DNAH14: variants seen among roughly 807,000 people sequenced by gnomAD.
The protein encoded by DNAH14 is dynein axonemal heavy chain 14.
A neutral mutation model predicts 520.9 loss-of-function variants in DNAH14; 478 were observed. The ratio of observed to expected loss-of-function variants is 0.92; its 90% CI spans 0.85 to 0.99. The LOEUF is 0.99. Among genes scored for constraint, DNAH14 ranks in the 50% least tolerant of loss-of-function variants. DNAH14 has a pLI of 0.00. For missense variants in DNAH14, 4,831 were observed against 5,234.5 expected (o/e 0.92, Z 2.38); for synonymous variants, 1,581 against 1,757.2 (o/e 0.90, Z 2.51).
intron 35 of DNAH14, among the ~76,000 whole-genome samples, chr1:225,162,789 T>C (rs1336109431): frequency 1.3e-5 from 2 of 152,146 alleles, no homozygotes. Context: ...GTAGCTACTA[T>C]AAATGGGATT....
chr1:225,281,587 A>G (rs1355680017), intron 54 of DNAH14, among the ~76,000 whole-genome samples: 3 of 151,550 alleles, frequency 2.0e-5, no homozygotes, highest in African/African-American at 7.2e-5. Context: ...ACCACAGACT[A>G]TGTAAATATA....
intron 15 of DNAH14, among the ~76,000 whole-genome samples, chr1:225,049,291 GACCTGGTGATCCACCC>G (rs2068273068): frequency 6.6e-6 from 1 of 151,758 alleles, no homozygotes; most frequent in Non-Finnish European, 1.5e-5. Flanking sequence ...TTGAACTCCT[GACCTGGTGATCCACCC>G]ACCTCGGCCT....
chr1:224,980,560 T>G (rs899061684), intron 8 of DNAH14, among the ~76,000 whole-genome samples: 6 of 152,220 alleles, frequency 3.9e-5, no homozygotes, highest in Admixed American at 2.6e-4. Flanking sequence ...GGGATCTCAC[T>G]GCCATTAAGG....
intron 73 of DNAH14, among the ~76,000 whole-genome samples, chr1:225,354,775 C>T (rs1186979173): frequency 6.6e-6 from 1 of 152,106 alleles, no homozygotes; most frequent in African/African-American, 2.4e-5. Context: ...AAGGGAAAAT[C>T]TCTCATCTCA....
intron 44 of DNAH14, among the ~76,000 whole-genome samples, chr1:225,254,248 C>T (rs1002525308): frequency 6.6e-6 from 1 of 152,074 alleles, no homozygotes; most frequent in Non-Finnish European, 1.5e-5. Context: ...TCAAATTCCA[C>T]CTTTAAAAGC....
chr1:225,163,137 C>CAAAAAAAA (rs34356854), intron 35 of DNAH14, among the ~76,000 whole-genome samples: 1 of 53,680 alleles, frequency 1.9e-5, no homozygotes, highest in Admixed American at 2.3e-4. Context: ...GACCCTATCT[C>CAAAAAAAA]AAAAAAAAAA....
chr1:225,299,168 A>G (rs2094082697), intron 55 of DNAH14, among the ~76,000 whole-genome samples: 1 of 152,230 alleles, frequency 6.6e-6, no homozygotes, highest in Admixed American at 6.5e-5. Flanking sequence ...ATTTACGTAC[A>G]AGCAAAAATT....
intron 11 of DNAH14, among the ~76,000 whole-genome samples, chr1:225,034,269 A>G (rs1483972063): frequency 2.0e-5 from 3 of 152,150 alleles, no homozygotes; most frequent in Non-Finnish European, 4.4e-5. Context: ...TTTAACATGA[A>G]GGATATTGAA....
chr1:225,312,910 T>C (rs952047169), intron 60 of DNAH14, among the ~76,000 whole-genome samples: 5 of 152,240 alleles, frequency 3.3e-5, no homozygotes, highest in African/African-American at 1.2e-4. Context: ...TTTTCTTTTT[T>C]CATGGTGTCT....
intron 58 of DNAH14, among the ~76,000 whole-genome samples, chr1:225,306,028 C>T (rs2094233902): frequency 6.6e-6 from 1 of 152,176 alleles, no homozygotes; most frequent in South Asian, 2.1e-4. Flanking sequence ...AGGTATTGGC[C>T]ATTGCACCTT....
At position 225,338,347 on chromosome 1, in the gene DNAH14, T is replaced by C. The variant is rs1341526475; in HGVS notation, c.10433+165T>C. ...GTGTTGGCAGTAGTATTCATCAGTA[T>C]ACAGAAGAGATAACCGATTTTTATC... On this transcript the variant is annotated intron_variant, in intron 68 of 85. Transcript: ENST00000682510. 3 of 876,060 alleles carry C rather than the reference T, an allele frequency of 3.4e-6. No individual in the cohort carries two copies. The African/African-American group carries it at 5.0e-5, about 15-fold the overall frequency. 54.3% of individuals were successfully genotyped at this position (876,060 alleles called of 1,614,324 possible). A position where few individuals can be genotyped will look rare whatever the true frequency, so the allele number is the denominator to read the frequency against.
intron 33 of DNAH14, among the ~76,000 whole-genome samples, chr1:225,153,153 G>T (rs1468049969): frequency 6.6e-6 from 1 of 152,016 alleles, no homozygotes; most frequent in African/African-American, 2.4e-5. Context: ...TTTAAATTAC[G>T]GACTATTTTT....
At position 225,152,844 on chromosome 1, in the gene DNAH14, T is replaced by C. The variant is rs768980565; in HGVS notation, c.5157T>C (p.Thr1719=). 7.7e-6 allele frequency: 12 copies of C among 1,551,014 alleles called. No individual in the cohort carries two copies. In the African/African-American group the frequency reaches 1.5e-4, roughly 19 times the overall value. ...CAAATTCACTCTCTGGAAAGCTAAC[T>C]AACCTTTATGAATTAGCGCGCAAAC... ...KSANSLSGKL[T]NLYELARKQL... is the part of the protein sequence containing the mutation. Residue 1719 remains threonine, a synonymous_variant, in exon 33 of 86, where the codon ACT becomes ACC. Coordinates refer to ENST00000682510, the MANE Select transcript of DNAH14 (RefSeq NM_001367479.1).
chr1:225,262,347 T>A (rs895378575), intron 46 of DNAH14, among the ~76,000 whole-genome samples: 1 of 152,058 alleles, frequency 6.6e-6, no homozygotes, highest in Non-Finnish European at 1.5e-5. Flanking sequence ...CTTAGTTTAA[T>A]TAGGTTCCAT....
At chr1:225,143,723 A>T (rs1013538063) in intron 28 of DNAH14, among the ~76,000 whole-genome samples, 2 of 149,384 alleles carry the variant, frequency 1.3e-5, no homozygotes, top group African/African-American at 4.9e-5. Flanking sequence ...TTAATATTTA[A>T]AAAAAAACAT....
chr1:225,102,935 TTTG>T (rs1238005019), intron 23 of DNAH14, among the ~76,000 whole-genome samples: 3 of 152,182 alleles, frequency 2.0e-5, no homozygotes, highest in Non-Finnish European at 2.9e-5. Flanking sequence ...TGCCATTGCT[TTTG>T]TTGTTTTAGA....
chr1:225,331,969 CTT>C (rs11430430), intron 65 of DNAH14, among the ~76,000 whole-genome samples: 1 of 150,272 alleles, frequency 6.7e-6, no homozygotes, highest in African/African-American at 2.4e-5. Flanking sequence ...AAAATTCTCC[CTT>C]TTTTTTTAAG....
At chr1:225,087,128 G>A (rs1281290602) in intron 21 of DNAH14, among the ~76,000 whole-genome samples, 1 of 152,040 alleles carries the variant, frequency 6.6e-6, no homozygotes, top group Non-Finnish European at 1.5e-5. Flanking sequence ...CCACACACTG[G>A]ATGACGTATA....
At chr1:225,180,752 C>G (rs1017341431) in intron 36 of DNAH14, among the ~76,000 whole-genome samples, 4 of 152,150 alleles carry the variant, frequency 2.6e-5, no homozygotes, top group Non-Finnish European at 5.9e-5. Flanking sequence ...TGTGTACTTT[C>G]AAATAGCCTG....
Sources: allele counts gnomAD v4.1 joint callset (sites outside exome capture counted in the v4.1 genomes callset), GRCh38; gene constraint gnomAD v4.1.1; transcripts MANE v1.5; gene names NCBI Gene and HGNC (gene_info 2026-07-23, HGNC 2026-07-21).